Variants in KLB observed in about 807,000 individuals in gnomAD.
KLB encodes beta-klotho.
A neutral mutation model predicts 88.4 loss-of-function variants in KLB; 44 were observed. The ratio of observed to expected loss-of-function variants is 0.50; its 90% CI spans 0.39 to 0.64. KLB has a LOEUF of 0.64. KLB is among the 30% of genes least tolerant of loss of function. The probability of loss-of-function intolerance (pLI) is 0.00; values close to 1 mark genes in which losing one functional copy is unlikely to be tolerated. For synonymous variants in KLB, 548 were observed against 513.4 expected (o/e 1.07, Z -0.91); for missense variants, 1,137 against 1,304.8 (o/e 0.87, Z 1.98).
chr4:39,420,668 G>T (rs759457283), intron 1 of KLB, among the ~76,000 whole-genome samples: 84 of 152,104 alleles, frequency 5.5e-4, no homozygotes, highest in Non-Finnish European at 8.8e-4. Context: ...GGGACTACAG[G>T]TGCACCTGGC....
Position 39,434,692 on chromosome 4 carries a change from G to C in KLB, c.1308G>C (p.Met436Ile). Residue 436 changes from methionine to isoleucine, a missense_variant, in exon 2 of 5, where the codon ATG (methionine) becomes ATC (isoleucine). Physicochemically the swap from Met to Ile is conservative, Grantham distance 10. Around this residue, in one of 4 missense-constraint regions of KLB, gnomAD observed 597 missense variants for 765.2 expected, o/e 0.78. Transcript: ENST00000257408. ...KTEDTTAIYM[M>I]KNFLSQVLQA... ...AAGACACCACGGCCATCTACATGAT[G>C]AAGAATTTCCTCAGCCAGGTGCTTC... The C allele has an allele frequency of 6.2e-7, 1 of 1,613,330 alleles. No individual in the cohort carries two copies. Among genetic ancestry groups the C allele is most frequent in the Middle Eastern group, 1.6e-4 (1 of 6,062 alleles).
Position 39,447,002 on chromosome 4 carries a change from G to A in KLB, c.2276G>A (p.Arg759Lys), listed in dbSNP as rs192217362. The A allele has an allele frequency of 1.9e-6, 3 of 1,610,146 alleles. No homozygotes were observed. The East Asian group carries it at 6.7e-5, about 36-fold the overall frequency. ...AACCCCTATGCTGACTCGCACTGGA[G>A]GGCGGCCGAGCGCTTCCTGCAGTTC... is the stretch of plus-strand genomic sequence containing the variant. ...PANPYADSHW[R>K]AAERFLQFEI... The change falls in exon 4 of 5, where the codon AGG becomes AAG. Residue 759 changes from arginine to lysine, a missense_variant. Physicochemically the swap from Arg to Lys is conservative, Grantham distance 26 (BLOSUM62 2). Transcript: ENST00000257408.
chr4:39,412,981 TG>T (rs1742887094), intron 1 of KLB, among the ~76,000 whole-genome samples: 1 of 152,196 alleles, frequency 6.6e-6, no homozygotes, highest in Non-Finnish European at 1.5e-5. Context: ...ACTTTTTTGG[TG>T]GCAAGTTACA....
At chr4:39,429,905 G>A (rs1474023901) in intron 1 of KLB, among the ~76,000 whole-genome samples, 1 of 152,162 alleles carries the variant, frequency 6.6e-6, no homozygotes, top group East Asian at 1.9e-4. Context: ...GAATGAAGAG[G>A]CTGTCTTCAG....
At chr4:39,410,852 G>A (rs1453865174) in intron 1 of KLB, among the ~76,000 whole-genome samples, 1 of 152,116 alleles carries the variant, frequency 6.6e-6, no homozygotes, top group African/African-American at 2.4e-5. Flanking sequence ...GTTCCAGAAT[G>A]ATCTGGAAAA....
At chr4:39,440,465 A>G (rs1376230722) in intron 3 of KLB, among the ~76,000 whole-genome samples, 6 of 152,074 alleles carry the variant, frequency 3.9e-5, no homozygotes, top group African/African-American at 1.4e-4. Flanking sequence ...TTCTATTAAT[A>G]GAAGCATATG....
chr4:39,408,252 A>C lies in KLB; in HGVS notation c.825+478A>C, dbSNP rs141623725. ...ATGTTAGCTAACTCATGCATATTAA[A>C]TACAGAAATTTAAATATACTTCACT... On this transcript the variant is annotated intron_variant, in intron 1 of 4. Transcript: ENST00000257408. Among the ~76,000 whole-genome samples the C allele has an allele frequency of 5.1e-3, 782 of 152,326 alleles. 3 individuals carry two copies. The highest frequency in any genetic ancestry group is 0.018 in the African/African-American group (750 of 41,582).
intron 1 of KLB, among the ~76,000 whole-genome samples, chr4:39,418,111 G>A (rs1222279348): frequency 6.6e-6 from 1 of 152,148 alleles, no homozygotes; most frequent in African/African-American, 2.4e-5. Context: ...TGAGATCTAT[G>A]AACCATTTAT....
At position 39,450,535 on chromosome 4, in the gene KLB, A is replaced by T. The variant is rs554780500; in HGVS notation, c.*1849A>T. 1 of 152,306 alleles carries T rather than the reference A, an allele frequency of 6.6e-6. No homozygotes were observed. The highest frequency in any genetic ancestry group is 1.9e-4 in the East Asian group (1 of 5,184). The allele number at this position is 152,306 out of a possible 1,614,324, so 9.4% of individuals were successfully genotyped here. A position where few individuals can be genotyped will look rare whatever the true frequency, so the allele number is the denominator to read the frequency against. On this transcript the variant is annotated 3_prime_UTR_variant, in exon 5 of 5. Transcript: ENST00000257408. ...TGGCCTGGCAAATGGGAACAGTAAA[A>T]TTCTGCTTTACTCTTCTCTAGTCTC...
chr4:39,438,678 A>G (rs1384346236), intron 3 of KLB, among the ~76,000 whole-genome samples: 2 of 152,228 alleles, frequency 1.3e-5, no homozygotes, highest in African/African-American at 4.8e-5. Context: ...TGAGGCTTTG[A>G]TGCCTGCTAT....
intron 1 of KLB, among the ~76,000 whole-genome samples, chr4:39,409,556 T>G (rs1455307512): frequency 1.3e-5 from 2 of 151,168 alleles, no homozygotes; most frequent in Non-Finnish European, 2.9e-5. Flanking sequence ...CCCAAAGTGC[T>G]GGGATTACAG....
At chr4:39,429,348 C>A (rs1165184682) in intron 1 of KLB, among the ~76,000 whole-genome samples, 1 of 152,188 alleles carries the variant, frequency 6.6e-6, no homozygotes, top group East Asian at 1.9e-4. Context: ...GGCTCCTAAT[C>A]CCTTCTTCAT....
At chr4:39,425,980 G>A (rs184211147) in intron 1 of KLB, among the ~76,000 whole-genome samples, 289 of 151,068 alleles carry the variant, frequency 1.9e-3, no homozygotes, top group African/African-American at 5.5e-3. Context: ...TAGGCCGGGC[G>A]CTTGGCTCAC....
At chr4:39,426,958 A>G (rs9999972) in intron 1 of KLB, among the ~76,000 whole-genome samples, 13,148 of 152,108 alleles carry the variant, frequency 0.086, 1,530 homozygotes, top group African/African-American at 0.26. Context: ...CAAAGTGCTG[A>G]GAGTACAGAT....
intron 1 of KLB, among the ~76,000 whole-genome samples, chr4:39,418,022 A>G (rs756711975): frequency 6.6e-5 from 10 of 152,210 alleles, no homozygotes; most frequent in Non-Finnish European, 1.5e-4. Flanking sequence ...ACTTGTTTTG[A>G]TACTGTCTCA....
At chr4:39,415,851 G>A (rs1179789754) in intron 1 of KLB, among the ~76,000 whole-genome samples, 1 of 152,028 alleles carries the variant, frequency 6.6e-6, no homozygotes, top group East Asian at 1.9e-4. Flanking sequence ...GATATGTTGG[G>A]AAACCCTACT....
chr4:39,417,188 A>T (rs1742983715), intron 1 of KLB, among the ~76,000 whole-genome samples: 1 of 152,202 alleles, frequency 6.6e-6, no homozygotes, highest in Admixed American at 6.5e-5. Context: ...ATAGCTAAAA[A>T]ATTAGCCAAG....
At position 39,446,670 on chromosome 4, in the gene KLB, C is replaced by A. The variant is rs1463494027; in HGVS notation, c.1944C>A (p.His648Gln). ...CCCTGTATTATCCGACCCACGCCCACCTAGGCCTCCCCGAGCCTCTGTTGC... is the reference window on the plus strand; with the variant it reads ...CCCTGTATTATCCGACCCACGCCCAACTAGGCCTCCCCGAGCCTCTGTTGC... ...MVTLYYPTHA[H>Q]LGLPEPLLHA... Residue 648 changes from histidine to glutamine, a missense_variant, in exon 4 of 5, where the codon CAC becomes CAA. Physicochemically the swap from His to Gln is conservative, Grantham distance 24 (BLOSUM62 0). Coordinates refer to ENST00000257408, the MANE Select transcript of KLB (RefSeq NM_175737.4). The surrounding 1 kb of genome is among the most constrained non-coding windows in gnomAD (Gnocchi z 6.4). 3 of 1,612,256 alleles carry A rather than the reference C, an allele frequency of 1.9e-6. No homozygotes were observed. The highest frequency in any genetic ancestry group is 2.5e-6 in the Non-Finnish European group (3 of 1,179,044).
chr4:39,424,387 C>G, intron 1 of KLB, among the ~76,000 whole-genome samples: 1 of 151,646 alleles, frequency 6.6e-6, no homozygotes, highest in East Asian at 1.9e-4. Context: ...ATTACTATAG[C>G]CTTAGAGTCC....
Sources: gnomAD v4.1 joint callset for allele counts (sites outside exome capture counted in the v4.1 genomes callset) on GRCh38, gnomAD v4.1.1 for gene constraint, gnomAD v4.1.1 regional missense constraint, Gnocchi (gnomAD v3.1) non-coding constraint, MANE v1.5 for transcripts, NCBI Gene and HGNC (gene_info 2026-07-23, HGNC 2026-07-21) for gene names.